COL23A1: variants seen among roughly 807,000 people sequenced by gnomAD.
COL23A1 encodes the protein collagen alpha-1(XXIII) chain.
Under a neutral mutation model 99.3 loss-of-function variants are expected in COL23A1, and 97 were observed. The ratio of observed to expected loss-of-function variants is 0.98; its 90% CI spans 0.83 to 1.16. COL23A1 has a LOEUF of 1.16. COL23A1 is among the 50% of genes most tolerant of loss of function. The pLI, the probability that COL23A1 is intolerant of heterozygous loss-of-function variation, is 0.00. For synonymous variants in COL23A1, 320 were observed against 308.2 expected (o/e 1.04, Z -0.40); for missense variants, 762 against 757.4 (o/e 1.01, Z -0.07).
intron 2 of COL23A1, among the ~76,000 whole-genome samples, chr5:178,466,412 T>C (rs1372177506): frequency 6.6e-6 from 1 of 152,234 alleles, no homozygotes; most frequent in African/African-American, 2.4e-5. Flanking sequence ...CCTGGACCTT[T>C]CGTCCTGTGT....
intron 2 of COL23A1, among the ~76,000 whole-genome samples, chr5:178,445,672 A>G (rs944077218): frequency 6.6e-6 from 1 of 152,206 alleles, no homozygotes; most frequent in East Asian, 1.9e-4. Flanking sequence ...AAGATGAAGT[A>G]CAGAGAGTTT....
chr5:178,332,119 G>A (rs1031158443), intron 2 of COL23A1, among the ~76,000 whole-genome samples: 4 of 152,176 alleles, frequency 2.6e-5, no homozygotes, highest in Non-Finnish European at 4.4e-5. Flanking sequence ...AGTGAGTGGC[G>A]TGGCTAGATC....
rs57350213 is a variant in COL23A1, at chr5:178,509,510, C to T, written c.361+51172G>A. On this transcript the variant is annotated intron_variant, in intron 2 of 28. Transcript: ENST00000390654. ...TGCTGGGATTACAGGCGTGAGCCAC[C>T]GTGCCCGGCCAGAACCTGCATTCTA... is the stretch of plus-strand genomic sequence containing the variant. Among the ~76,000 whole-genome samples the T allele has an allele frequency of 8.3e-3, 1,258 of 152,256 alleles. 15 individuals carry two copies. Among genetic ancestry groups the T allele is most frequent in the African/African-American group, 0.026 (1,078 of 41,538 alleles).
intron 2 of COL23A1, among the ~76,000 whole-genome samples, chr5:178,327,967 T>C (rs959992207): frequency 2.6e-5 from 4 of 152,206 alleles, no homozygotes; most frequent in Non-Finnish European, 2.9e-5. Context: ...CAGCTAGGGC[T>C]GAAGGACTGA....
At chr5:178,392,750 A>G (rs188976836) in intron 2 of COL23A1, among the ~76,000 whole-genome samples, 1 of 152,336 alleles carries the variant, frequency 6.6e-6, no homozygotes, top group Admixed American at 6.5e-5. Context: ...CCCTCCTACC[A>G]ATAGCCACAT....
At chr5:178,270,474 C>T in intron 5 of COL23A1, 111 bp from the exon 6 acceptor site, 3 of 1,336,894 alleles carry the variant, frequency 2.2e-6, no homozygotes, top group Middle Eastern at 1.8e-4. Context: ...CTGTGGGAGC[C>T]CCGCGTCTGG....
intron 2 of COL23A1, among the ~76,000 whole-genome samples, chr5:178,406,939 TA>T (rs1764795735): frequency 6.6e-6 from 1 of 152,174 alleles, no homozygotes; most frequent in African/African-American, 2.4e-5. Flanking sequence ...TAAGTACAGC[TA>T]AAACCCCTAG....
At chr5:178,267,124 G>A (rs1323118322) in intron 8 of COL23A1, among the ~76,000 whole-genome samples, 183 bp downstream of exon 8, 1 of 152,222 alleles carries the variant, frequency 6.6e-6, no homozygotes, top group Non-Finnish European at 1.5e-5. Flanking sequence ...TGCGCAAGAG[G>A]GGCAGCCCCA....
chr5:178,501,724 T>A (rs185529519), intron 2 of COL23A1, among the ~76,000 whole-genome samples: 3 of 152,160 alleles, frequency 2.0e-5, no homozygotes, highest in Admixed American at 2.0e-4. Flanking sequence ...CCTGCTGGGG[T>A]AGCCTCAGAC....
intron 2 of COL23A1, among the ~76,000 whole-genome samples, chr5:178,358,003 T>C (rs1383217510): frequency 1.6e-5 from 2 of 127,772 alleles, no homozygotes; most frequent in African/African-American, 3.3e-5. Flanking sequence ...TGTGTGTATA[T>C]GTATGTGTGT....
At chr5:178,511,655 C>A (rs1759211924) in intron 2 of COL23A1, among the ~76,000 whole-genome samples, 1 of 152,168 alleles carries the variant, frequency 6.6e-6, no homozygotes, top group Non-Finnish European at 1.5e-5. Flanking sequence ...TACTGGTGAC[C>A]ATGGGTCCCC....
At chr5:178,438,369 T>C (rs186726236) in intron 2 of COL23A1, among the ~76,000 whole-genome samples, 87 of 152,372 alleles carry the variant, frequency 5.7e-4, no homozygotes, top group Non-Finnish European at 1.1e-3. Flanking sequence ...TTTATTTAAA[T>C]TTACTATCTG....
intron 2 of COL23A1, among the ~76,000 whole-genome samples, chr5:178,496,683 G>A (rs998799354): frequency 6.6e-6 from 1 of 152,160 alleles, no homozygotes; most frequent in Non-Finnish European, 1.5e-5. Flanking sequence ...AGAGGAGGAA[G>A]CCCATTCTAA....
At chr5:178,368,864 T>A (rs1762641248) in intron 2 of COL23A1, among the ~76,000 whole-genome samples, 1 of 152,364 alleles carries the variant, frequency 6.6e-6, no homozygotes, top group East Asian at 1.9e-4. Context: ...CCTGACTGAT[T>A]CCTGCTGGCT....
chr5:178,239,470 A>G (rs904252138), intron 27 of COL23A1, among the ~76,000 whole-genome samples: 4 of 152,144 alleles, frequency 2.6e-5, no homozygotes, highest in African/African-American at 7.2e-5. Flanking sequence ...GGAAGGGATG[A>G]GCATTGTGCC....
chr5:178,254,911 G>C (rs569254999), intron 16 of COL23A1, 38 bp downstream of exon 16: 27 of 1,550,068 alleles, frequency 1.7e-5, no homozygotes, highest in Non-Finnish European at 2.1e-5. Context: ...AGGAAAAATC[G>C]TATCTAAGGC....
intron 5 of COL23A1, among the ~76,000 whole-genome samples, chr5:178,270,658 G>A (rs573161456): frequency 2.6e-5 from 4 of 152,308 alleles, no homozygotes; most frequent in African/African-American, 7.2e-5. Flanking sequence ...CATTCCCTCC[G>A]CCAGGGTGAC....
chr5:178,304,830 G>A (rs191020554), intron 3 of COL23A1, among the ~76,000 whole-genome samples: 1 of 152,296 alleles, frequency 6.6e-6, no homozygotes, highest in East Asian at 1.9e-4. Flanking sequence ...TCATCAGCAA[G>A]TGGGTATAAT....
chr5:178,324,561 C>T (rs773968154), intron 2 of COL23A1, among the ~76,000 whole-genome samples: 4 of 152,106 alleles, frequency 2.6e-5, no homozygotes, highest in South Asian at 2.1e-4. Flanking sequence ...CAAGTCGCTC[C>T]GTTGCTTTTC....
Sources: gnomAD v4.1 joint callset for allele counts (sites outside exome capture counted in the v4.1 genomes callset) on GRCh38, gnomAD v4.1.1 for gene constraint, MANE v1.5 for transcripts, NCBI Gene and HGNC (gene_info 2026-07-23, HGNC 2026-07-21) for gene names.